The following NAALAD2 variants were observed in gnomAD, a reference collection of about 807,000 sequenced individuals.
NAALAD2 encodes N-acetylated-alpha-linked acidic dipeptidase 2.
Under a neutral mutation model 95.6 loss-of-function variants are expected in NAALAD2, and 89 were observed. The ratio of observed to expected loss-of-function variants is 0.93; its 90% confidence interval spans 0.78 to 1.11. NAALAD2 has a LOEUF of 1.11. NAALAD2 is among the 50% of genes least tolerant of loss of function. The pLI is 0.00. For missense variants in NAALAD2, 894 were observed against 872.4 expected, an observed-to-expected ratio of 1.02 and a Z score of -0.31; for synonymous variants, 264 against 294.4, an observed-to-expected ratio of 0.90 and a Z score of 1.06.
intron 11 of NAALAD2, among the ~76,000 whole-genome samples, chr11:90,165,149 CTCA>C (rs368743786): frequency 4.6e-5 from 7 of 152,302 alleles, no homozygotes; most frequent in African/African-American, 1.4e-4. Flanking sequence ...ACAACATAGT[CTCA>C]TCATTTTTTA....
At chr11:90,156,784 T>A (rs1432551020) in intron 6 of NAALAD2, among the ~76,000 whole-genome samples, 1 of 152,180 alleles carries the variant, frequency 6.6e-6, no homozygotes, top group Non-Finnish European at 1.5e-5. Flanking sequence ...GAGATGGGTC[T>A]TGTTGTGTTG....
intron 11 of NAALAD2, among the ~76,000 whole-genome samples, 184 bp from the exon 12 acceptor site, chr11:90,168,745 C>T (rs1419372316): frequency 6.6e-6 from 1 of 152,046 alleles, no homozygotes; most frequent in African/African-American, 2.4e-5. Context: ...ATATTAATTG[C>T]GTAATTGTTG....
At chr11:90,176,726 CAT>C (rs1849695605) in intron 15 of NAALAD2, among the ~76,000 whole-genome samples, 4 of 152,070 alleles carry the variant, frequency 2.6e-5, no homozygotes, top group South Asian at 4.1e-4. Flanking sequence ...ACAGATTTGT[CAT>C]AGATTTTAAT....
chr11:90,150,943 A>G (rs1480429248), intron 5 of NAALAD2, among the ~76,000 whole-genome samples: 1 of 152,102 alleles, frequency 6.6e-6, no homozygotes, highest in African/African-American at 2.4e-5. Flanking sequence ...TTTCAAACCT[A>G]ATTCTGTGAC....
intron 15 of NAALAD2, among the ~76,000 whole-genome samples, chr11:90,177,583 C>CTTGTT (rs1565543930): frequency 3.1e-4 from 6 of 19,408 alleles, no homozygotes; most frequent in African/African-American, 9.2e-4. Context: ...TTTTCTTTTT[C>CTTGTT]TTGTTTTTTT....
intron 18 of NAALAD2, among the ~76,000 whole-genome samples, chr11:90,190,917 C>A (rs1857303590): frequency 6.6e-6 from 1 of 152,064 alleles, no homozygotes; most frequent in Non-Finnish European, 1.5e-5. Flanking sequence ...AAGCAAAATT[C>A]TACGTCATTA....
At chr11:90,142,545 T>C (rs977768941) in intron 2 of NAALAD2, among the ~76,000 whole-genome samples, 8 of 152,160 alleles carry the variant, frequency 5.3e-5, no homozygotes, top group Admixed American at 4.6e-4. Context: ...TCATTAGAAT[T>C]AAAATGTACC....
At chr11:90,190,220 A>G (rs977893017) in intron 18 of NAALAD2, among the ~76,000 whole-genome samples, 2 of 152,190 alleles carry the variant, frequency 1.3e-5, no homozygotes, top group African/African-American at 4.8e-5. Context: ...TTAGAACAGT[A>G]CTTTTATCAC....
intron 6 of NAALAD2, among the ~76,000 whole-genome samples, chr11:90,153,457 G>A (rs1202352210): frequency 2.0e-5 from 3 of 152,040 alleles, no homozygotes; most frequent in Non-Finnish European, 4.4e-5. Flanking sequence ...TAGTATGTCA[G>A]TCTTTTCAAT....
chr11:90,181,726 TAAAA>T lies in NAALAD2; in HGVS notation c.1940+38_1940+41del, dbSNP rs3832738. Reference sequence around the variant, plus strand: ...AGTAAGTTTCAAATCCCTTTTTTTTTAAAAAAAAAAAAAAAAGCAATCTGGTTAC... The same window carrying T: ...AGTAAGTTTCAAATCCCTTTTTTTTTAAAAAAAAAAAAGCAATCTGGTTAC... On this transcript the variant is annotated intron_variant, in intron 17 of 18. Transcript: ENST00000534061. 3,879 of 979,838 alleles carry T rather than the reference TAAAA, an allele frequency of 4.0e-3. 25 individuals are homozygous for T. Among genetic ancestry groups the T allele is most frequent in the South Asian group, 0.024 (1,321 of 55,928 alleles). 60.7% of individuals were successfully genotyped at this position (979,838 alleles called of 1,614,324 possible). A position where few individuals can be genotyped will look rare whatever the true frequency, so the allele number is the denominator to read the frequency against.
At chr11:90,157,234 A>C (rs959572188) in intron 6 of NAALAD2, among the ~76,000 whole-genome samples, 1 of 152,176 alleles carries the variant, frequency 6.6e-6, no homozygotes, top group South Asian at 2.1e-4. Flanking sequence ...TGATAGAACT[A>C]TTATTTTACA....
At chr11:90,155,293 T>A (rs1952032614) in intron 6 of NAALAD2, among the ~76,000 whole-genome samples, 1 of 114,550 alleles carries the variant, frequency 8.7e-6, no homozygotes, top group Non-Finnish European at 1.7e-5. Context: ...TATGCATATA[T>A]GTATATATAA....
chr11:90,155,481 T>TATTATATATAATATATTATATATA (rs1287638295), intron 6 of NAALAD2, among the ~76,000 whole-genome samples: 2 of 111,808 alleles, frequency 1.8e-5, no homozygotes, highest in Non-Finnish European at 3.3e-5. Flanking sequence ...TACATGTATA[T>TATTATATATAATATATTATATATA]ATTATATATA....
rs763226675 is a variant in NAALAD2 at position 90,182,963 on chromosome 11, G to T, written c.1988G>T (p.Arg663Ile). The change falls in exon 18 of 19, where the codon AGA becomes ATA. Residue 663 changes from arginine to isoleucine, a missense_variant. Arg to Ile is a moderately conservative substitution (Grantham distance 97, BLOSUM62 -3). Transcript: ENST00000534061. ...AATGACCAACTGATGCTCCTGGAAA[G>T]AGCATTCATCGATCCTCTTGGTTTA... ...MMNDQLMLLERAFIDPLGLPG... is the reference protein window; with the variant it reads ...MMNDQLMLLEIAFIDPLGLPG... The T allele has an allele frequency of 6.2e-7, 1 of 1,612,748 alleles. No homozygotes were observed. Among genetic ancestry groups the T allele is most frequent in the Admixed American group, 1.7e-5 (1 of 59,988 alleles).
chr11:90,139,310 G>A (rs1025958687), intron 2 of NAALAD2, among the ~76,000 whole-genome samples: 3 of 152,086 alleles, frequency 2.0e-5, no homozygotes, highest in African/African-American at 7.2e-5. Flanking sequence ...TCATAGATAA[G>A]GGCAGTCCTT....
chr11:90,148,386 G>A (rs888904769), intron 3 of NAALAD2, among the ~76,000 whole-genome samples: 13 of 152,138 alleles, frequency 8.5e-5, no homozygotes, highest in Non-Finnish European at 1.5e-4. Context: ...GGATGACTCC[G>A]AGACTGTCTG....
rs186892770 is a variant in NAALAD2 at position 90,155,735 on chromosome 11, A to G, written c.797-2410A>G. 1.6e-3 allele frequency among the ~76,000 whole-genome samples: 80 copies of G among 49,182 alleles called. 2 individuals carry two copies. Among genetic ancestry groups the G allele is most frequent in the South Asian group, 5.3e-3 (6 of 1,126 alleles). The allele number at this position is 49,182 out of a possible 152,430, so 32.3% of individuals were successfully genotyped here. A position where few individuals can be genotyped will look rare whatever the true frequency, so the allele number is the denominator to read the frequency against. The stretch of plus-strand genomic sequence containing the variant: ...TTGTATGTATGTAATACATACATAC[A>G]TATGTATGTATTATTACATATGTAT... On this transcript the variant is annotated intron_variant, in intron 6 of 18. Transcript: ENST00000534061.
chr11:90,158,976 T>C (rs566280324), intron 7 of NAALAD2: 26 of 373,140 alleles, frequency 7.0e-5, no homozygotes, highest in Admixed American at 2.2e-4. Context: ...AATAAGGAGA[T>C]AGCCTTCCCA....
rs1342241546 is a variant in NAALAD2 at position 90,147,402 on chromosome 11, G to A, written c.267G>A (p.Gln89=). The part of the protein sequence containing the change: ...NFLLAKKIQT[Q]WKKFGLDSAK... Reference sequence around the variant, plus strand: ...TGCTTGCCAAGAAAATCCAAACCCAGTGGAAGAAATTTGGACTAGATTCAG... The same window carrying A: ...TGCTTGCCAAGAAAATCCAAACCCAATGGAAGAAATTTGGACTAGATTCAG... Residue 89 remains glutamine, a synonymous_variant, in exon 3 of 19, where the codon CAG becomes CAA. Coordinates refer to ENST00000534061, the MANE Select transcript of NAALAD2 (RefSeq NM_005467.4). 1 of 1,614,004 alleles carries A rather than the reference G, an allele frequency of 6.2e-7. No individual in the cohort carries two copies. The highest frequency in any genetic ancestry group is 8.5e-7 in the Non-Finnish European group (1 of 1,179,984).
Sources: gnomAD v4.1 joint callset for allele counts (sites outside exome capture counted in the v4.1 genomes callset) on GRCh38, gnomAD v4.1.1 for gene constraint, MANE v1.5 for transcripts, NCBI Gene and HGNC (gene_info 2026-07-23, HGNC 2026-07-21) for gene names.